Variants in SPOCK1 observed in about 807,000 individuals in gnomAD.
SPOCK1 encodes the protein SPARC (osteonectin), cwcv and kazal like domains proteoglycan 1.
SPOCK1 carries 23 observed loss-of-function variants against 55.3 expected under a neutral mutation model. The ratio of observed to expected loss-of-function variants is 0.42; its 90% CI spans 0.30 to 0.59. SPOCK1 has a LOEUF of 0.59. Among genes scored for constraint, SPOCK1 ranks in the 20% least tolerant of loss-of-function variants. SPOCK1 has a pLI of 0.22. For missense variants in SPOCK1, 499 were observed against 552.5 expected, an observed-to-expected ratio of 0.90 and a Z score of 0.97; for synonymous variants, 226 against 221.0, an observed-to-expected ratio of 1.02 and a Z score of -0.20.
chr5:137,393,038 C>T (rs1367085989), intron 2 of SPOCK1, among the ~76,000 whole-genome samples: 1 of 152,208 alleles, frequency 6.6e-6, no homozygotes, highest in Non-Finnish European at 1.5e-5. Context: ...GCTTTCTCCA[C>T]ATCTTTTCCA....
intron 2 of SPOCK1, among the ~76,000 whole-genome samples, chr5:137,276,572 G>A (rs1373440453): frequency 6.6e-6 from 1 of 152,216 alleles, no homozygotes; most frequent in Non-Finnish European, 1.5e-5. Flanking sequence ...AACATCTACT[G>A]AATGAATAAG....
intron 5 of SPOCK1, among the ~76,000 whole-genome samples, chr5:137,111,780 C>T (rs1444614091): frequency 1.3e-5 from 2 of 152,116 alleles, no homozygotes; most frequent in Non-Finnish European, 2.9e-5. Context: ...CTCATCTTTC[C>T]AATAGAAATA....
At chr5:137,262,305 T>C (rs573866296) in intron 3 of SPOCK1, among the ~76,000 whole-genome samples, 2 of 152,338 alleles carry the variant, frequency 1.3e-5, no homozygotes, top group East Asian at 3.9e-4. Context: ...TTGAAGGTAA[T>C]TGTTACCAGC....
At chr5:136,986,476 AACATTGATTTT>A (rs1327632848) in intron 8 of SPOCK1, among the ~76,000 whole-genome samples, 1 of 152,190 alleles carries the variant, frequency 6.6e-6, no homozygotes, top group African/African-American at 2.4e-5. Flanking sequence ...CTATTATCTT[AACATTGATTTT>A]AGGTACTAAC....
chr5:137,336,168 C>A (rs1241638882), intron 2 of SPOCK1, among the ~76,000 whole-genome samples: 1 of 152,212 alleles, frequency 6.6e-6, no homozygotes. Context: ...GCCAATCCTG[C>A]AGTTTGCTGG....
intron 4 of SPOCK1, among the ~76,000 whole-genome samples, chr5:137,130,578 C>T (rs1258029033): frequency 6.6e-6 from 1 of 152,234 alleles, no homozygotes; most frequent in Non-Finnish European, 1.5e-5. Context: ...CTGGTGCCTG[C>T]CAAGAGAAGG....
At chr5:137,118,061 T>C (rs1411494135) in intron 4 of SPOCK1, among the ~76,000 whole-genome samples, 1 of 152,222 alleles carries the variant, frequency 6.6e-6, no homozygotes, top group Non-Finnish European at 1.5e-5. Context: ...TGAACTGTCA[T>C]CCAACATTAT....
At chr5:137,314,004 C>T (rs1245049858) in intron 2 of SPOCK1, among the ~76,000 whole-genome samples, 1 of 150,224 alleles carries the variant, frequency 6.7e-6, no homozygotes, top group Non-Finnish European at 1.5e-5. Flanking sequence ...GACATCCAAG[C>T]TCTCCTCCCA....
chr5:137,434,915 C>G (rs1189443818), intron 2 of SPOCK1, among the ~76,000 whole-genome samples: 1 of 152,100 alleles, frequency 6.6e-6, no homozygotes, highest in Non-Finnish European at 1.5e-5. Flanking sequence ...AAGCAAGATT[C>G]TGATTATAAA....
At chr5:137,160,663 ATATAATATATAATATATGT>A (rs1754535681) in intron 3 of SPOCK1, among the ~76,000 whole-genome samples, 1 of 102,712 alleles carries the variant, frequency 9.7e-6, no homozygotes, top group Non-Finnish European at 1.7e-5. Flanking sequence ...AATATACAAT[ATATAATATATAATATATGT>A]TATATATATA....
At chr5:137,480,103 G>T (rs1753918286) in intron 2 of SPOCK1, among the ~76,000 whole-genome samples, 1 of 152,228 alleles carries the variant, frequency 6.6e-6, no homozygotes, top group East Asian at 1.9e-4. Flanking sequence ...TACTTTTAAG[G>T]CTAAAAATGA....
chr5:137,168,697 A>G (rs1174403492), intron 3 of SPOCK1, among the ~76,000 whole-genome samples: 1 of 152,166 alleles, frequency 6.6e-6, no homozygotes, highest in East Asian at 1.9e-4. Flanking sequence ...TCCATAAGAC[A>G]GGCAATAAAT....
intron 2 of SPOCK1, among the ~76,000 whole-genome samples, chr5:137,289,620 G>A (rs555203028): frequency 1.3e-5 from 2 of 152,236 alleles, no homozygotes; most frequent in East Asian, 3.9e-4. Flanking sequence ...TCAACAAGAG[G>A]AGGAAAACCA....
intron 2 of SPOCK1, among the ~76,000 whole-genome samples, chr5:137,484,824 T>C (rs1754019349): frequency 1.3e-5 from 2 of 152,192 alleles, no homozygotes; most frequent in African/African-American, 4.8e-5. Flanking sequence ...TGGTATACTG[T>C]AGCATATACA....
chr5:137,140,746 A>ATTTT, intron 3 of SPOCK1, 52 bp from the exon 4 acceptor site: 2 of 704,462 alleles, frequency 2.8e-6, no homozygotes, highest in South Asian at 2.9e-5. Context: ...AGGGAAATTT[A>ATTTT]ATTTTTTTTT....
chr5:137,183,862 T>C (rs975207037), intron 3 of SPOCK1, among the ~76,000 whole-genome samples: 3 of 152,242 alleles, frequency 2.0e-5, no homozygotes, highest in Non-Finnish European at 2.9e-5. Context: ...AGCTCCATTC[T>C]TTCCCAGGAG....
At chr5:137,324,343 G>A (rs888371581) in intron 2 of SPOCK1, among the ~76,000 whole-genome samples, 6 of 152,112 alleles carry the variant, frequency 3.9e-5, no homozygotes. Flanking sequence ...TACTTAGGAG[G>A]CTGAGGCAGG....
chr5:137,323,371 C>T (rs1758014737), intron 2 of SPOCK1, among the ~76,000 whole-genome samples: 1 of 151,922 alleles, frequency 6.6e-6, no homozygotes, highest in African/African-American at 2.4e-5. Context: ...ACAGGGTGGT[C>T]ATATGTATTC....
rs565401977 is a variant in SPOCK1 at position 137,421,024 on chromosome 5, C to A, written c.186+77349G>T. 3.8e-3 allele frequency among the ~76,000 whole-genome samples: 585 copies of A among 152,162 alleles called. 5 individuals are homozygous for A. The highest frequency in any genetic ancestry group is 0.013 in the African/African-American group (537 of 41,516). On this transcript the variant is annotated intron_variant, in intron 2 of 10. Transcript: ENST00000394945. ...TTTGTTCTCATTGGTTTCAAAGAAC[C>A]TCTTTATTTCTGCCTTCATTTCGTT... is the stretch of plus-strand genomic sequence containing the variant.
Sources: allele counts gnomAD v4.1 joint callset (sites outside exome capture counted in the v4.1 genomes callset), GRCh38; gene constraint gnomAD v4.1.1; transcripts MANE v1.5; gene names NCBI Gene and HGNC (gene_info 2026-07-23, HGNC 2026-07-21).